Variants in NXF1 observed in about 807,000 individuals in gnomAD.
The protein encoded by NXF1 is mRNA export factor TAP.
In NXF1, 43 loss-of-function variants were observed where a neutral mutation model predicts 92.4. That is an observed-to-expected ratio of 0.47 (90% CI 0.36 to 0.60). The LOEUF (loss-of-function observed/expected upper bound fraction) is 0.60, where lower values mean the gene tolerates loss of function less well. Among genes scored for constraint, NXF1 ranks in the 20% least tolerant of loss-of-function variants. The probability of loss-of-function intolerance (pLI) is 0.00; values close to 1 mark genes in which losing one functional copy is unlikely to be tolerated. For synonymous variants in NXF1, 288 were observed against 292.2 expected, an observed-to-expected ratio of 0.99 and a Z score of 0.15; for missense variants, 576 against 793.0, an observed-to-expected ratio of 0.73 and a Z score of 3.29.
At chr11:62,804,156 A>T in intron 1 of NXF1, 178 bp from the exon 2 acceptor site, 1 of 1,537,168 alleles carries the variant, frequency 6.5e-7, no homozygotes, top group Non-Finnish European at 8.7e-7. Context: ...GGAGGGCAGC[A>T]TCAGGGAAAA....
chr11:62,803,954 A>G lies in NXF1; in HGVS notation c.53T>C (p.Phe18Ser), dbSNP rs2084507397. The change falls in exon 2 of 21, where the codon TTC becomes TCC. Residue 18 changes from phenylalanine (F) to serine (S), a missense_variant. This residue lies in a region of NXF1 where 151 missense variants were observed against 157.8 expected (regional missense o/e 0.96). Transcript: ENST00000294172. The part of the protein sequence containing the change: ...YSEHDDERVN[F>S]PQRKKKGRGP... ...CCGGCCTTTCTTCTTTCTTTGAGGG[A>G]AATTAACGCGTTCATCATCGTGTTC... 1 of 1,613,850 alleles carries G rather than the reference A, an allele frequency of 6.2e-7. No homozygotes were observed. Among genetic ancestry groups the G allele is most frequent in the Non-Finnish European group, 8.5e-7 (1 of 1,179,978 alleles).
intron 18 of NXF1, 151 bp from the exon 19 acceptor site, chr11:62,794,591 C>T: frequency 1.4e-6 from 1 of 702,522 alleles, no homozygotes; most frequent in Non-Finnish European, 2.3e-6. Flanking sequence ...CCCATGGAAT[C>T]AATGTTTGGA....
intron 10 of NXF1, chr11:62,799,403 T>G (rs575934421): frequency 1.0e-6 from 1 of 985,688 alleles, no homozygotes; most frequent in East Asian, 1.1e-4. Context: ...AAAGCAGCCA[T>G]GGGGGCAGGA....
At chr11:62,804,067 G>T in intron 1 of NXF1, 89 bp from the exon 2 acceptor site, 3 of 1,598,394 alleles carry the variant, frequency 1.9e-6, no homozygotes, top group Non-Finnish European at 2.5e-6. Context: ...CTGAACTATT[G>T]GAAGAGATAC....
At chr11:62,799,709 C>T (rs1479787170) in intron 10 of NXF1, 1 of 986,044 alleles carries the variant, frequency 1.0e-6, no homozygotes, top group Non-Finnish European at 1.2e-6. Context: ...CAGCACCTGC[C>T]TTGGGATTCC....
At chr11:62,795,469 C>A in intron 17 of NXF1, 1 of 218,592 alleles carries the variant, frequency 4.6e-6, no homozygotes, top group Non-Finnish European at 9.3e-6. Flanking sequence ...AGTGTGACTC[C>A]ATCTCAAAAA....
At chr11:62,794,498 C>T (rs922844194) in intron 18 of NXF1, 58 bp from the exon 19 acceptor site, 39 of 1,445,476 alleles carry the variant, frequency 2.7e-5, no homozygotes, top group Admixed American at 2.5e-4. Flanking sequence ...CTCCCAACAT[C>T]ATTCCTATTC....
chr11:62,804,268 CA>C, intron 1 of NXF1: 1 of 1,343,286 alleles, frequency 7.4e-7, no homozygotes, highest in Non-Finnish European at 9.8e-7. Context: ...TAACTGAACA[CA>C]AATCAGACCT....
rs1258402207 is a variant in NXF1 at position 62,801,970 on chromosome 11, T to G, written c.530A>C (p.Tyr177Ser). 1 of 1,614,240 alleles carries G rather than the reference T, an allele frequency of 6.2e-7. No individual in the cohort carries two copies. Among genetic ancestry groups the G allele is most frequent in the East Asian group, 2.2e-5 (1 of 44,886 alleles). ...TCGGTTCTCCCGATCCAAAATCTTA[T>G]AGTTGACAGCCTTCAATGCAGAGGC... ...STASALKAVN[Y>S]KILDRENRRI... The change falls in exon 5 of 21, where the codon TAT (tyrosine) becomes TCT (serine). Residue 177 changes from tyrosine to serine, a missense_variant. Around this residue, in one of 2 missense-constraint regions of NXF1, gnomAD observed 425 missense variants for 635.2 expected, o/e 0.67. Transcript: ENST00000294172.
At chr11:62,799,128 G>A (rs1009971782) in intron 10 of NXF1, 1 of 982,814 alleles carries the variant, frequency 1.0e-6, no homozygotes, top group African/African-American at 1.7e-5. Flanking sequence ...GGGCAAGGGA[G>A]AGATGGGGAG....
chr11:62,800,549 T>G, intron 9 of NXF1, 63 bp from the exon 10 acceptor site: 1 of 1,090,456 alleles, frequency 9.2e-7, no homozygotes, highest in South Asian at 1.3e-5. Flanking sequence ...TGGCTCCCCA[T>G]ACCCCCAGTC....
chr11:62,803,346 T>A (rs919142133), intron 3 of NXF1, 73 bp downstream of exon 3: 4 of 1,253,426 alleles, frequency 3.2e-6, no homozygotes, highest in Non-Finnish European at 4.5e-6. Context: ...TTTTGTGGAA[T>A]AAAATTAAAC....
intron 19 of NXF1, among the ~76,000 whole-genome samples, chr11:62,793,024 G>A (rs2084381951): frequency 6.6e-6 from 1 of 150,936 alleles, no homozygotes; most frequent in African/African-American, 2.4e-5. Context: ...AGTTTTTTAT[G>A]TTAATTTATA....
intron 9 of NXF1, 28 bp downstream of exon 9, chr11:62,801,066 A>G (rs752634600): frequency 6.4e-7 from 1 of 1,572,808 alleles, no homozygotes; most frequent in South Asian, 1.1e-5. Context: ...CACCCCTTCA[A>G]AAATATAGCC....
At position 62,792,631 on chromosome 11, in the gene NXF1, C is replaced by CAG. The variant is rs752984224; in HGVS notation, c.1821+8_1821+9dup. ...CCTAGTCTTTTTGCCACTGTATTTC[C>CAG]AGACCTTACCTTGAGATGAGTGAAG... On this transcript the variant is annotated intron_variant, in intron 20 of 20. Coordinates refer to ENST00000294172, the MANE Select transcript of NXF1 (RefSeq NM_006362.5). The CAG allele has an allele frequency of 5.7e-5, 92 of 1,614,192 alleles. No individual in the cohort carries two copies. Among genetic ancestry groups the CAG allele is most frequent in the African/African-American group, 2.9e-4 (22 of 75,046 alleles).
At chr11:62,804,146 G>A (rs1423516630) in intron 1 of NXF1, 168 bp from the exon 2 acceptor site, 2 of 1,542,236 alleles carry the variant, frequency 1.3e-6, no homozygotes, top group Admixed American at 3.9e-5. Flanking sequence ...CCTCTCTGTG[G>A]GAGGGCAGCA....
chr11:62,792,705 G>T lies in NXF1; in HGVS notation c.1761-4C>A, dbSNP rs369105346. 3.6e-5 allele frequency: 58 copies of T among 1,614,168 alleles called. No homozygotes were observed. In the East Asian group the frequency reaches 4.0e-4, roughly 11 times the overall value. ...CCAGTTGTTGTCCTGAAGGCACCTG[G>T]AGTGGAAGAACAGGCAGCTCTGTAA... On this transcript the variant is annotated splice_polypyrimidine_tract_variant and splice_region_variant and intron_variant, in intron 19 of 20. Transcript: ENST00000294172.
In NXF1 at chr11:62,801,332, A is replaced by C; in HGVS notation, c.795T>G (p.Pro265=). 1 of 1,613,986 alleles carries C rather than the reference A, an allele frequency of 6.2e-7. No individual in the cohort carries two copies. The highest frequency in any genetic ancestry group is 1.6e-4 in the Middle Eastern group (1 of 6,062). Residue 265 remains proline, a synonymous_variant, in exon 8 of 21, where the codon CCT becomes CCG. Coordinates refer to ENST00000294172, the MANE Select transcript of NXF1 (RefSeq NM_006362.5). The part of the protein sequence containing the change: ...ATLRIIEENI[P]ELLSLNLSNN... ...AATACTGGGCCAAAGGCCTTACCTC[A>C]GGGATGTTCTCTTCAATGATCCTCA... is the stretch of plus-strand genomic sequence containing the variant.
chr11:62,793,135 G>A (rs1431746106), intron 19 of NXF1, among the ~76,000 whole-genome samples: 1 of 151,280 alleles, frequency 6.6e-6, no homozygotes, highest in African/African-American at 2.4e-5. Context: ...CTGGAGTGCA[G>A]TGGCGTGATC....
Sources: allele counts gnomAD v4.1 joint callset (sites outside exome capture counted in the v4.1 genomes callset), GRCh38; gene constraint gnomAD v4.1.1; regional missense constraint gnomAD v4.1.1; transcripts MANE v1.5; gene names NCBI Gene and HGNC (gene_info 2026-07-23, HGNC 2026-07-21).